SATB2: variants seen among roughly 807,000 people sequenced by gnomAD.
SATB2 encodes SATB homeobox 2, also known as DNA-binding protein SATB2.
A neutral mutation model predicts 73.4 loss-of-function variants in SATB2; 1 was observed. The observed-to-expected ratio is 0.01, with a 90% CI of 0.00 to 0.06. The LOEUF is 0.06. Among genes scored for constraint, SATB2 ranks in the 10% least tolerant of loss-of-function variants. The pLI is 1.00. For missense variants in SATB2, 459 were observed against 945.8 expected (o/e 0.49, Z 6.75); for synonymous variants, 397 against 367.0 (o/e 1.08, Z -0.93).
upstream of SATB2, chr2:199,468,961 G>C (rs1692649446): frequency 6.6e-6 from 1 of 152,352 alleles, no homozygotes; most frequent in South Asian, 2.1e-4. Flanking sequence ...ATGACCCAGG[G>C]GACCGTGCGG....
intron 2 of SATB2, among the ~76,000 whole-genome samples, chr2:199,451,594 T>A (rs1226711189): frequency 2.0e-5 from 3 of 152,082 alleles, no homozygotes; most frequent in African/African-American, 7.2e-5. Flanking sequence ...TTTCTAAGTA[T>A]TTTATAATCT....
At chr2:199,316,990 C>T (rs2105780395) in intron 9 of SATB2, among the ~76,000 whole-genome samples, 1 of 151,564 alleles carries the variant, frequency 6.6e-6, no homozygotes, top group South Asian at 2.1e-4. Flanking sequence ...GCCAGCATAC[C>T]TGTGACGTAT....
At chr2:199,432,578 C>A (rs1691534417) in intron 3 of SATB2, among the ~76,000 whole-genome samples, 1 of 152,114 alleles carries the variant, frequency 6.6e-6, no homozygotes, top group African/African-American at 2.4e-5. Context: ...ATAAACAATA[C>A]AATTCAACCA....
At chr2:199,391,706 T>C (rs762565693) in intron 3 of SATB2, among the ~76,000 whole-genome samples, 19 of 152,074 alleles carry the variant, frequency 1.2e-4, no homozygotes, top group African/African-American at 1.9e-4. Flanking sequence ...ACACAGGAGG[T>C]GTTCTCTCGG....
intron 4 of SATB2, among the ~76,000 whole-genome samples, chr2:199,381,082 T>C (rs1312359317): frequency 1.3e-5 from 2 of 152,202 alleles, no homozygotes; most frequent in Non-Finnish European, 2.9e-5. Flanking sequence ...CACTTTACAA[T>C]AAAAGACTGC....
intron 3 of SATB2, among the ~76,000 whole-genome samples, chr2:199,415,966 TCACTGC>T (rs1177163355): frequency 8.5e-5 from 13 of 152,192 alleles, no homozygotes; most frequent in African/African-American, 3.1e-4. Flanking sequence ...ATCATTGCCC[TCACTGC>T]CACTGCCACT....
chr2:199,443,907 T>A (rs1164189120), intron 2 of SATB2, among the ~76,000 whole-genome samples: 5 of 152,216 alleles, frequency 3.3e-5, no homozygotes. Flanking sequence ...CTGACTGAGA[T>A]CTCTGGTTTG....
At chr2:199,414,526 C>T (rs1052665641) in intron 3 of SATB2, among the ~76,000 whole-genome samples, 3 of 152,096 alleles carry the variant, frequency 2.0e-5, no homozygotes, top group East Asian at 1.9e-4. Context: ...CTGACTGATC[C>T]GGAAAGAGTC....
intron 6 of SATB2, among the ~76,000 whole-genome samples, chr2:199,355,941 T>C (rs745541495): frequency 2.6e-5 from 4 of 152,220 alleles, no homozygotes; most frequent in Middle Eastern, 3.4e-3. Context: ...AAAGCTATTA[T>C]TGTAGTATTT....
At chr2:199,362,262 G>A (rs926369412) in intron 6 of SATB2, among the ~76,000 whole-genome samples, 5 of 151,962 alleles carry the variant, frequency 3.3e-5, no homozygotes, top group African/African-American at 9.7e-5. Flanking sequence ...ATGATCATGC[G>A]GTTGCCCAAA....
In SATB2 at chr2:199,271,949, G is replaced by C. The variant is rs1414172459; in HGVS notation, c.*262C>G. 2 of 512,026 alleles carry C rather than the reference G, an allele frequency of 3.9e-6. No homozygotes were observed. The highest frequency in any genetic ancestry group is 7.1e-6 in the Non-Finnish European group (2 of 283,292). The allele number at this position is 512,026 out of a possible 1,614,324, so 31.7% of individuals were successfully genotyped here. The stretch of plus-strand genomic sequence containing the variant: ...ATGACTATGATCCAGTCATAGAGAC[G>C]GGATAAAGTGTAACGCTTTAGTGTC... On this transcript the variant is annotated 3_prime_UTR_variant, in exon 11 of 11. Coordinates refer to ENST00000417098, the MANE Select transcript of SATB2 (RefSeq NM_001172509.2).
chr2:199,393,734 T>A (rs191237785), intron 3 of SATB2, among the ~76,000 whole-genome samples: 5 of 151,698 alleles, frequency 3.3e-5, no homozygotes, highest in Admixed American at 6.5e-5. Flanking sequence ...AAAGTTCTAC[T>A]TTTCTTTAAA....
chr2:199,425,196 C>T (rs1040861300), intron 3 of SATB2, among the ~76,000 whole-genome samples: 1 of 152,094 alleles, frequency 6.6e-6, no homozygotes, highest in Admixed American at 6.5e-5. Flanking sequence ...TGAGACATAC[C>T]TTAATTATTA....
In SATB2 at chr2:199,272,198, G is replaced by C; in HGVS notation, c.*13C>G. 6.2e-7 allele frequency: 1 copy of C among 1,610,478 alleles called. No homozygotes were observed. The highest frequency in any genetic ancestry group is 1.7e-4 in the Middle Eastern group (1 of 5,992). ...TTGGACCGATGTATTGCTTTGCCTAGTAGAAGTTCACATTATCTCTGGTCA... is the reference window on the plus strand; with the variant it reads ...TTGGACCGATGTATTGCTTTGCCTACTAGAAGTTCACATTATCTCTGGTCA... On this transcript the variant is annotated 3_prime_UTR_variant, in exon 11 of 11. Transcript: ENST00000417098. This position sits in a 1 kb window ranked among gnomAD's most constrained non-coding sequence, Gnocchi z 6.7.
At chr2:199,418,252 C>G (rs533686234) in intron 3 of SATB2, among the ~76,000 whole-genome samples, 2 of 152,176 alleles carry the variant, frequency 1.3e-5, no homozygotes, top group Non-Finnish European at 2.9e-5. Flanking sequence ...TGGGGAGCAC[C>G]AAGATGAAAG....
intron 9 of SATB2, among the ~76,000 whole-genome samples, chr2:199,320,233 T>C (rs1373698829): frequency 6.6e-6 from 1 of 152,152 alleles, no homozygotes; most frequent in Non-Finnish European, 1.5e-5. Flanking sequence ...TTATGGCTTC[T>C]ACTAAGAACC....
chr2:199,405,261 C>T (rs1690596454), intron 3 of SATB2, among the ~76,000 whole-genome samples: 1 of 152,194 alleles, frequency 6.6e-6, no homozygotes, highest in Non-Finnish European at 1.5e-5. Flanking sequence ...CAACAAAGCA[C>T]TTCAGAAAGA....
intron 2 of SATB2, among the ~76,000 whole-genome samples, chr2:199,452,429 G>A (rs1692150801): frequency 6.6e-6 from 1 of 152,100 alleles, no homozygotes; most frequent in Non-Finnish European, 1.5e-5. Context: ...TAAGTTGCAT[G>A]GCTGAAGCAT....
chr2:199,311,820 C>T (rs1687603070), intron 9 of SATB2, among the ~76,000 whole-genome samples: 1 of 152,116 alleles, frequency 6.6e-6, no homozygotes, highest in Admixed American at 6.6e-5. Context: ...ATCTTTTCAC[C>T]AGCCCATTTG....
Sources: gnomAD v4.1 joint callset for allele counts (sites outside exome capture counted in the v4.1 genomes callset) on GRCh38, gnomAD v4.1.1 for gene constraint, Gnocchi (gnomAD v3.1) non-coding constraint, MANE v1.5 for transcripts, NCBI Gene and HGNC (gene_info 2026-07-23, HGNC 2026-07-21) for gene names.